STX8: variants seen among roughly 807,000 people sequenced by gnomAD.
STX8 encodes the protein syntaxin-8.
A neutral mutation model predicts 37.5 loss-of-function variants in STX8; 23 were observed. The ratio of observed to expected loss-of-function variants is 0.61; its 90% CI spans 0.44 to 0.87. STX8 has a LOEUF of 0.87. Ranked by LOEUF, STX8 falls within the 40% of genes least tolerant of loss-of-function variation. The pLI, the probability that STX8 is intolerant of heterozygous loss-of-function variation, is 0.00. For synonymous variants in STX8, 115 were observed against 99.1 expected, an observed-to-expected ratio of 1.16 and a Z score of -0.95; for missense variants, 313 against 284.7, an observed-to-expected ratio of 1.10 and a Z score of -0.71.
chr17:9,493,197 C>T (rs970103648), intron 5 of STX8, among the ~76,000 whole-genome samples: 4 of 151,426 alleles, frequency 2.6e-5, no homozygotes, highest in African/African-American at 9.7e-5. Flanking sequence ...TCCAGGAGTT[C>T]GAGGCTGCAG....
intron 7 of STX8, among the ~76,000 whole-genome samples, chr17:9,296,644 A>C (rs1396113251): frequency 6.8e-6 from 1 of 147,198 alleles, no homozygotes; most frequent in Non-Finnish European, 1.5e-5. Flanking sequence ...AAAAAAAAAA[A>C]CAAACCAAGG....
chr17:9,297,241 CAAAA>C (rs112089232), intron 7 of STX8, among the ~76,000 whole-genome samples: 14 of 90,890 alleles, frequency 1.5e-4, no homozygotes, highest in South Asian at 4.4e-4. Context: ...CCAGAGTTTG[CAAAA>C]AAAAAAAAAA....
chr17:9,509,140 T>C (rs1393778332), intron 4 of STX8, among the ~76,000 whole-genome samples: 3 of 152,068 alleles, frequency 2.0e-5, no homozygotes, highest in Admixed American at 2.0e-4. Flanking sequence ...TCCCAGCTAC[T>C]CAGGAGGCAG....
At chr17:9,555,451 T>C (rs1906927392) in intron 3 of STX8, 1 of 152,214 alleles carries the variant, frequency 6.6e-6, no homozygotes, top group South Asian at 2.1e-4. Flanking sequence ...AGCAAATGCA[T>C]ATTATATCAT....
At chr17:9,360,534 T>C (rs17808797) in intron 7 of STX8, among the ~76,000 whole-genome samples, 11,591 of 151,956 alleles carry the variant, frequency 0.076, 643 homozygotes, top group Non-Finnish European at 0.11. Context: ...CCATCTCTAC[T>C]ATATTTACTC....
chr17:9,377,148 T>C lies in STX8; in HGVS notation c.643+1404A>G, dbSNP rs574990550. On this transcript the variant is annotated intron_variant, in intron 7 of 7. Transcript: ENST00000306357. ...GAGCAAACACAGCCAGGGAAGGTGA[T>C]GCTTCTGAAGCTGCACATCTCAGGG... is the stretch of plus-strand genomic sequence containing the variant. 5.9e-5 allele frequency among the ~76,000 whole-genome samples: 9 copies of C among 152,274 alleles called. No individual in the cohort carries two copies. The South Asian group carries it at 1.9e-3, about 32-fold the overall frequency.
At chr17:9,270,873 G>A (rs553367728) in intron 7 of STX8, among the ~76,000 whole-genome samples, 22 of 152,170 alleles carry the variant, frequency 1.4e-4, no homozygotes, top group Non-Finnish European at 2.6e-4. Context: ...TAAATGAACA[G>A]AGTTGCATTG....
chr17:9,413,611 TAAAG>T (rs1913052156), intron 6 of STX8, among the ~76,000 whole-genome samples: 1 of 152,178 alleles, frequency 6.6e-6, no homozygotes, highest in Non-Finnish European at 1.5e-5. Context: ...ACCTCAGATC[TAAAG>T]AAACAAGCTT....
At chr17:9,456,813 C>CA (rs906945574) in intron 6 of STX8, among the ~76,000 whole-genome samples, 6 of 150,734 alleles carry the variant, frequency 4.0e-5, no homozygotes, top group Non-Finnish European at 5.9e-5. Flanking sequence ...TTTTAAAAAA[C>CA]AAAAAAAAAG....
chr17:9,457,137 T>C (rs1167113367), intron 6 of STX8, among the ~76,000 whole-genome samples: 2 of 152,198 alleles, frequency 1.3e-5, no homozygotes, highest in Admixed American at 6.5e-5. Flanking sequence ...ATTCTTTCCA[T>C]CTCGTTACTA....
intron 6 of STX8, among the ~76,000 whole-genome samples, chr17:9,458,447 C>A (rs894781388): frequency 1.3e-5 from 2 of 152,194 alleles, no homozygotes; most frequent in Non-Finnish European, 2.9e-5. Context: ...CCGTGCCCTG[C>A]CAATATGCTG....
chr17:9,459,546 C>T (rs574107408), intron 6 of STX8, among the ~76,000 whole-genome samples: 86 of 152,306 alleles, frequency 5.6e-4, no homozygotes, highest in Non-Finnish European at 1.1e-3. Context: ...TATGGAGCCT[C>T]GCTCTGTCGT....
In STX8 at chr17:9,254,377, C is replaced by T. The variant is rs78713802; in HGVS notation, c.644-3732G>A. ...CAGTTACCTGTGCCCTCTTTGCCCC[C>T]CTAAGTTTCCATGGTAACTCTTATT... On this transcript the variant is annotated intron_variant, in intron 7 of 7. Transcript: ENST00000306357. 7.7e-3 allele frequency among the ~76,000 whole-genome samples: 1,172 copies of T among 152,242 alleles called. 11 individuals carry two copies. The highest frequency in any genetic ancestry group is 0.011 in the Non-Finnish European group (720 of 68,020).
At chr17:9,490,269 G>A (rs748784669) in intron 6 of STX8, among the ~76,000 whole-genome samples, 9 of 152,198 alleles carry the variant, frequency 5.9e-5, no homozygotes, top group Non-Finnish European at 1.3e-4. Flanking sequence ...TCTTCCCAAG[G>A]ATGGAGAATA....
chr17:9,546,870 T>C (rs570229802), intron 3 of STX8, among the ~76,000 whole-genome samples: 26 of 142,382 alleles, frequency 1.8e-4, no homozygotes, highest in African/African-American at 6.5e-4. Context: ...GTGCTGGGAT[T>C]ACAGGTGTGA....
chr17:9,461,204 C>A (rs1375378327), intron 6 of STX8: 1 of 151,932 alleles, frequency 6.6e-6, no homozygotes, highest in African/African-American at 2.4e-5. Flanking sequence ...GGTTATCTTC[C>A]TTGACAGATC....
intron 1 of STX8, among the ~76,000 whole-genome samples, chr17:9,573,784 CAA>C (rs1283198808): frequency 6.6e-6 from 1 of 151,796 alleles, no homozygotes. Flanking sequence ...TTGAGAATAA[CAA>C]AAAAAGTATA....
At chr17:9,365,017 A>G (rs1911180988) in intron 7 of STX8, among the ~76,000 whole-genome samples, 1 of 152,174 alleles carries the variant, frequency 6.6e-6, no homozygotes, top group Non-Finnish European at 1.5e-5. Flanking sequence ...GATGAGGAGA[A>G]GAGAAAGTGA....
chr17:9,530,446 C>A (rs1188246818), intron 4 of STX8, among the ~76,000 whole-genome samples: 2 of 152,174 alleles, frequency 1.3e-5, no homozygotes, highest in African/African-American at 4.8e-5. Context: ...ACAGTCCCAG[C>A]AGTAGTATAT....
Sources: gnomAD v4.1 joint callset for allele counts (sites outside exome capture counted in the v4.1 genomes callset) on GRCh38, gnomAD v4.1.1 for gene constraint, MANE v1.5 for transcripts, NCBI Gene and HGNC (gene_info 2026-07-23, HGNC 2026-07-21) for gene names.